Variants in FHIT observed in about 807,000 individuals in gnomAD.
FHIT encodes the protein fragile histidine triad diadenosine triphosphatase, also known as bis(5'-adenosyl)-triphosphatase.
In FHIT, 19 loss-of-function variants were observed where a neutral mutation model predicts 17.9. That is an observed-to-expected ratio of 1.06 (90% CI 0.74 to 1.56). FHIT has a LOEUF of 1.56. Among genes scored for constraint, FHIT ranks in the 40% most tolerant of loss-of-function variants. The pLI is 0.00. For synonymous variants in FHIT, 81 were observed against 69.7 expected (o/e 1.16, Z -0.81); for missense variants, 248 against 189.2 (o/e 1.31, Z -1.82).
rs71709785 is a variant in FHIT at position 59,950,561 on chromosome 3, GTTTTC to G, written c.280-28152_280-28148del. Among the ~76,000 whole-genome samples, 498 of 150,414 alleles carry G rather than the reference GTTTTC, an allele frequency of 3.3e-3. 4 individuals carry two copies. The highest frequency in any genetic ancestry group is 0.01 in the African/African-American group (413 of 40,982). On this transcript the variant is annotated intron_variant, in intron 7 of 9. Transcript: ENST00000492590. Reference sequence around the variant, plus strand: ...GTCTAAAAAAACTGTTTGTTTACTTGTTTTCTTTTCTTTTCTTTTCTGCTTTTCCT... The same window carrying G: ...GTCTAAAAAAACTGTTTGTTTACTTGTTTTCTTTTCTTTTCTGCTTTTCCT...
chr3:60,148,990 C>T (rs545132443), intron 5 of FHIT, among the ~76,000 whole-genome samples: 4 of 152,148 alleles, frequency 2.6e-5, no homozygotes, highest in Admixed American at 6.5e-5. Flanking sequence ...CTCCTTCCAC[C>T]ATCAAGAGGA....
chr3:60,397,363 T>C (rs375471529), intron 5 of FHIT, among the ~76,000 whole-genome samples: 167 of 152,044 alleles, frequency 1.1e-3, no homozygotes, highest in African/African-American at 3.6e-3. Context: ...GAGGAAGAGA[T>C]AGGAGGTTTG....
chr3:60,373,275 A>G (rs1229145503), intron 5 of FHIT, among the ~76,000 whole-genome samples: 1 of 152,214 alleles, frequency 6.6e-6, no homozygotes, highest in African/African-American at 2.4e-5. Context: ...GGGTAAGGAT[A>G]GGGTCAGAGA....
intron 8 of FHIT, among the ~76,000 whole-genome samples, chr3:59,756,641 A>C (rs990615419): frequency 1.3e-5 from 2 of 152,092 alleles, no homozygotes; most frequent in African/African-American, 4.8e-5. Context: ...AACATAGCAG[A>C]CCCCTTAAAA....
intron 8 of FHIT, among the ~76,000 whole-genome samples, chr3:59,920,020 T>C (rs1216093687): frequency 6.6e-6 from 1 of 152,102 alleles, no homozygotes; most frequent in African/African-American, 2.4e-5. Context: ...AAAGAGAAAA[T>C]TGGGAATCTC....
intron 5 of FHIT, among the ~76,000 whole-genome samples, chr3:60,343,059 G>T (rs903524384): frequency 6.6e-6 from 1 of 152,058 alleles, no homozygotes; most frequent in African/African-American, 2.4e-5. Context: ...ACACCCCAGG[G>T]ATCTTCTTTT....
chr3:60,487,564 G>C (rs530518196), intron 5 of FHIT, among the ~76,000 whole-genome samples: 1 of 152,264 alleles, frequency 6.6e-6, no homozygotes, highest in Admixed American at 6.5e-5. Context: ...GCAATTAATA[G>C]GTACAGTTAT....
chr3:60,121,579 G>A (rs767021137), intron 5 of FHIT, among the ~76,000 whole-genome samples: 1 of 152,072 alleles, frequency 6.6e-6, no homozygotes, highest in African/African-American at 2.4e-5. Context: ...AGCTGCTTAG[G>A]AGGCTGAGGC....
rs192028457 is a variant in FHIT at position 61,128,799 on chromosome 3, G to A, written c.-164+71818C>T. 3.6e-3 allele frequency among the ~76,000 whole-genome samples: 540 copies of A among 151,262 alleles called. 2 individuals carry two copies. The highest frequency in any genetic ancestry group is 0.014 in the Admixed American group (217 of 15,200). On this transcript the variant is annotated intron_variant, in intron 2 of 9. Transcript: ENST00000492590. Reference sequence around the variant, plus strand: ...GTTTTTTTTTTTCTTAATTCTCAATGTTCATTCTGGAAGATTCAAGGTTAT... The same window carrying A: ...GTTTTTTTTTTTCTTAATTCTCAATATTCATTCTGGAAGATTCAAGGTTAT...
intron 5 of FHIT, among the ~76,000 whole-genome samples, chr3:60,409,458 A>T (rs1701988398): frequency 6.6e-6 from 1 of 152,238 alleles, no homozygotes; most frequent in African/African-American, 2.4e-5. Context: ...GCACAAATTG[A>T]AAGATTTACT....
chr3:60,404,452 G>A (rs191588388), intron 5 of FHIT, among the ~76,000 whole-genome samples: 1 of 152,186 alleles, frequency 6.6e-6, no homozygotes, highest in Admixed American at 6.5e-5. Flanking sequence ...CCCTCTTTCT[G>A]ACCTAGAGAA....
intron 5 of FHIT, among the ~76,000 whole-genome samples, chr3:60,207,314 A>C (rs753725893): frequency 1.3e-5 from 2 of 152,172 alleles, no homozygotes; most frequent in Non-Finnish European, 1.5e-5. Flanking sequence ...AATATAAGAC[A>C]GCCATCTCAA....
intron 8 of FHIT, among the ~76,000 whole-genome samples, chr3:59,825,614 C>T (rs1700950305): frequency 6.6e-6 from 1 of 152,174 alleles, no homozygotes; most frequent in Admixed American, 6.5e-5. Context: ...GCTATAAAAC[C>T]ATGTCTAAGG....
intron 3 of FHIT, among the ~76,000 whole-genome samples, chr3:60,935,005 T>C (rs1279397456): frequency 6.6e-6 from 1 of 152,156 alleles, no homozygotes; most frequent in East Asian, 1.9e-4. Flanking sequence ...TTTCACCTCT[T>C]CTGTGAAGCC....
At chr3:60,364,396 A>C (rs1467958196) in intron 5 of FHIT, among the ~76,000 whole-genome samples, 3 of 152,218 alleles carry the variant, frequency 2.0e-5, no homozygotes, top group Non-Finnish European at 4.4e-5. Flanking sequence ...TTTTTCTATC[A>C]TACTCTGTAA....
chr3:60,720,800 A>G (rs1553707873), intron 4 of FHIT, among the ~76,000 whole-genome samples: 2 of 152,178 alleles, frequency 1.3e-5, no homozygotes, highest in South Asian at 4.1e-4. Context: ...CTCATTAATC[A>G]TGGCATGAGT....
At chr3:61,210,782 G>A (rs1044418595) in intron 1 of FHIT, among the ~76,000 whole-genome samples, 5 of 151,726 alleles carry the variant, frequency 3.3e-5, no homozygotes, top group African/African-American at 4.8e-5. Flanking sequence ...GCCCTGCTTC[G>A]GCTCACACAC....
At chr3:60,381,492 A>G (rs1053912386) in intron 5 of FHIT, among the ~76,000 whole-genome samples, 4 of 152,042 alleles carry the variant, frequency 2.6e-5, no homozygotes, top group Admixed American at 2.0e-4. Flanking sequence ...AAAAAAAAGA[A>G]AAGAAAAGAA....
intron 2 of FHIT, among the ~76,000 whole-genome samples, chr3:61,116,035 T>C (rs570651682): frequency 1.3e-5 from 2 of 152,242 alleles, no homozygotes; most frequent in East Asian, 3.9e-4. Flanking sequence ...TGCTAGAAGA[T>C]AAAAGGGACG....
Sources: allele counts gnomAD v4.1 joint callset (sites outside exome capture counted in the v4.1 genomes callset), GRCh38; gene constraint gnomAD v4.1.1; transcripts MANE v1.5; gene names NCBI Gene and HGNC (gene_info 2026-07-23, HGNC 2026-07-21).